The following MTUS2 variants were observed in gnomAD, a reference collection of about 807,000 sequenced individuals.
The protein encoded by MTUS2 is microtubule associated scaffold protein 2, also known as microtubule-associated tumor suppressor candidate 2.
Under a neutral mutation model 114.1 loss-of-function variants are expected in MTUS2, and 40 were observed. The ratio of observed to expected loss-of-function variants is 0.35; its 90% CI spans 0.27 to 0.46. MTUS2 has a LOEUF of 0.46. Ranked by LOEUF, MTUS2 falls within the 20% of genes least tolerant of loss-of-function variation. MTUS2 has a pLI of 1.00. For missense variants in MTUS2, 1,679 were observed against 1,705.4 expected (o/e 0.98, Z 0.27); for synonymous variants, 688 against 672.0 (o/e 1.02, Z -0.37).
chr13:29,286,812 T>G (rs1285678732), intron 6 of MTUS2, among the ~76,000 whole-genome samples: 3 of 152,168 alleles, frequency 2.0e-5, no homozygotes, highest in Non-Finnish European at 2.9e-5. Context: ...TGCCTCAGCC[T>G]CCTGAGTAGC....
chr13:29,271,301 G>A (rs1405648771), intron 5 of MTUS2, among the ~76,000 whole-genome samples: 3 of 152,178 alleles, frequency 2.0e-5, no homozygotes, highest in East Asian at 3.9e-4. Flanking sequence ...TATGAGAGGA[G>A]TCTGCTACTG....
intron 7 of MTUS2, among the ~76,000 whole-genome samples, chr13:29,338,341 C>G (rs1484566302): frequency 2.0e-5 from 3 of 151,972 alleles, no homozygotes; most frequent in African/African-American, 7.2e-5. Flanking sequence ...AATCCCAGCA[C>G]TTTGGGAGGC....
chr13:28,985,118 T>C (rs1177332081), intron 2 of MTUS2, among the ~76,000 whole-genome samples: 1 of 152,200 alleles, frequency 6.6e-6, no homozygotes, highest in Non-Finnish European at 1.5e-5. Flanking sequence ...CCTTTTGGAG[T>C]TGGTATTTTT....
intron 4 of MTUS2, among the ~76,000 whole-genome samples, chr13:29,059,313 G>T (rs1197874089): frequency 6.8e-6 from 1 of 147,818 alleles, no homozygotes; most frequent in Non-Finnish European, 1.5e-5. Flanking sequence ...TAGTCAACTG[G>T]CTTCAAAGCT....
intron 6 of MTUS2, chr13:29,307,481 TC>T: frequency 1.5e-6 from 2 of 1,308,172 alleles, no homozygotes; most frequent in Non-Finnish European, 2.2e-6. Flanking sequence ...GCCTTCTGTG[TC>T]CCCACTGCCA....
chr13:28,983,884 G>C (rs532915763), intron 2 of MTUS2, among the ~76,000 whole-genome samples: 1 of 152,216 alleles, frequency 6.6e-6, no homozygotes, highest in African/African-American at 2.4e-5. Flanking sequence ...ACAGCTTACC[G>C]CAGGAAGGAC....
At chr13:28,842,231 G>A (rs1221741720) in intron 2 of MTUS2, among the ~76,000 whole-genome samples, 1 of 151,988 alleles carries the variant, frequency 6.6e-6, no homozygotes, top group Non-Finnish European at 1.5e-5. Context: ...TTAATGAGTG[G>A]AGGAAGCAGA....
At chr13:28,960,451 A>C (rs1484069705) in intron 2 of MTUS2, among the ~76,000 whole-genome samples, 2 of 137,784 alleles carry the variant, frequency 1.5e-5, no homozygotes, top group Non-Finnish European at 2.9e-5. Flanking sequence ...TATTGTTCAT[A>C]ACATTCAAAA....
At chr13:29,120,991 A>G (rs1891284110) in intron 5 of MTUS2, among the ~76,000 whole-genome samples, 1 of 152,254 alleles carries the variant, frequency 6.6e-6, no homozygotes, top group Non-Finnish European at 1.5e-5. Context: ...ACAAAATGCC[A>G]CAGCACTCCC....
intron 5 of MTUS2, among the ~76,000 whole-genome samples, chr13:29,241,823 G>A (rs1269693793): frequency 2.6e-5 from 4 of 152,036 alleles, no homozygotes; most frequent in Non-Finnish European, 5.9e-5. Context: ...ATTGACTTAC[G>A]TTCTGGCAGT....
At chr13:29,340,153 G>T (rs1901318871) in intron 7 of MTUS2, among the ~76,000 whole-genome samples, 2 of 152,172 alleles carry the variant, frequency 1.3e-5, no homozygotes, top group South Asian at 4.1e-4. Flanking sequence ...ATCACGGGGT[G>T]CAGCTGCAGC....
chr13:29,495,603 G>T (rs947981895), intron 12 of MTUS2, among the ~76,000 whole-genome samples: 2 of 152,068 alleles, frequency 1.3e-5, no homozygotes, highest in Non-Finnish European at 2.9e-5. Context: ...AGGAATGGTG[G>T]CTCATGCCTG....
chr13:28,885,985 G>T (rs960661036), intron 2 of MTUS2, among the ~76,000 whole-genome samples: 1 of 152,180 alleles, frequency 6.6e-6, no homozygotes, highest in African/African-American at 2.4e-5. Flanking sequence ...AGGCAGTGAG[G>T]CTTGTGGAGC....
chr13:28,987,695 A>G (rs1477314018), intron 2 of MTUS2, among the ~76,000 whole-genome samples: 1 of 152,202 alleles, frequency 6.6e-6, no homozygotes, highest in African/African-American at 2.4e-5. Context: ...TTCTGTTGCC[A>G]GAGTCCACAC....
intron 2 of MTUS2, among the ~76,000 whole-genome samples, chr13:28,840,152 A>C (rs145174895): frequency 2.0e-5 from 3 of 152,218 alleles, no homozygotes; most frequent in African/African-American, 7.2e-5. Flanking sequence ...AGTAGTAATT[A>C]ATCTTCAGTA....
At chr13:29,030,573 T>C (rs1037941187) in intron 3 of MTUS2, among the ~76,000 whole-genome samples, 20 of 152,244 alleles carry the variant, frequency 1.3e-4, no homozygotes, top group African/African-American at 4.6e-4. Context: ...GTCCCCCTCT[T>C]GTGTTTGAGC....
intron 5 of MTUS2, among the ~76,000 whole-genome samples, chr13:29,128,292 G>C (rs1415893589): frequency 6.6e-6 from 1 of 152,180 alleles, no homozygotes; most frequent in Non-Finnish European, 1.5e-5. Flanking sequence ...TGAGGAGTGA[G>C]TTGGATTTAT....
chr13:29,089,540 A>G (rs1196118853), intron 4 of MTUS2, among the ~76,000 whole-genome samples: 3 of 152,182 alleles, frequency 2.0e-5, no homozygotes, highest in East Asian at 1.9e-4. Flanking sequence ...CATATCCTCA[A>G]ATATGTTTTC....
intron 5 of MTUS2, among the ~76,000 whole-genome samples, chr13:29,212,275 C>T (rs1313577694): frequency 6.6e-6 from 1 of 152,086 alleles, no homozygotes; most frequent in Non-Finnish European, 1.5e-5. Context: ...TTATTGATCT[C>T]TAATTTGTAA....
Sources: gnomAD v4.1 joint callset for allele counts (sites outside exome capture counted in the v4.1 genomes callset) on GRCh38, gnomAD v4.1.1 for gene constraint, MANE v1.5 for transcripts, NCBI Gene and HGNC (gene_info 2026-07-23, HGNC 2026-07-21) for gene names.